ZC3H3: variants seen among roughly 807,000 people sequenced by gnomAD.
The protein encoded by ZC3H3 is zinc finger CCCH domain-containing protein 3.
Under a neutral mutation model 77.3 loss-of-function variants are expected in ZC3H3, and 36 were observed. The ratio of observed to expected loss-of-function variants is 0.47; its 90% CI spans 0.36 to 0.61. The LOEUF is 0.61. ZC3H3 is among the 20% of genes least tolerant of loss of function. ZC3H3 has a pLI of 0.00. For missense variants in ZC3H3, 1,331 were observed against 1,312.2 expected, an observed-to-expected ratio of 1.01 and a Z score of -0.22; for synonymous variants, 626 against 555.2, an observed-to-expected ratio of 1.13 and a Z score of -1.79.
chr8:143,477,469 C>A (rs986005804), intron 4 of ZC3H3, among the ~76,000 whole-genome samples: 2 of 152,180 alleles, frequency 1.3e-5, no homozygotes, highest in East Asian at 1.9e-4. Flanking sequence ...TCCTGCCAGC[C>A]AGACTCAGAC....
chr8:143,489,461 C>T (rs545069455), intron 4 of ZC3H3, among the ~76,000 whole-genome samples: 98 of 152,172 alleles, frequency 6.4e-4, no homozygotes, highest in African/African-American at 2.2e-3. Flanking sequence ...CACGGAGCCC[C>T]GCCCACCACC....
intron 4 of ZC3H3, among the ~76,000 whole-genome samples, chr8:143,492,006 C>T (rs1001515474): frequency 6.6e-6 from 1 of 152,184 alleles, no homozygotes; most frequent in East Asian, 1.9e-4. Context: ...AAGCGTGGCT[C>T]GTATCCCTGG....
chr8:143,517,449 C>T (rs546492297), intron 3 of ZC3H3, among the ~76,000 whole-genome samples: 1 of 152,290 alleles, frequency 6.6e-6, no homozygotes, highest in African/African-American at 2.4e-5. Context: ...TACCCCAGGC[C>T]GCGCTCCAAG....
chr8:143,439,234 C>T (rs1206200519), intron 11 of ZC3H3, among the ~76,000 whole-genome samples: 1 of 152,192 alleles, frequency 6.6e-6, no homozygotes, highest in Non-Finnish European at 1.5e-5. Context: ...CACGGCTCCA[C>T]GCCCCTGACG....
At chr8:143,519,509 C>T (rs899488164) in intron 3 of ZC3H3, among the ~76,000 whole-genome samples, 19 of 152,058 alleles carry the variant, frequency 1.2e-4, no homozygotes, top group Non-Finnish European at 1.5e-5. Flanking sequence ...GCCTGAGCAC[C>T]CCACATCACA....
chr8:143,489,200 G>A (rs549414886), intron 4 of ZC3H3, among the ~76,000 whole-genome samples: 18 of 152,362 alleles, frequency 1.2e-4, no homozygotes, highest in African/African-American at 4.3e-4. Context: ...AGACACCAGA[G>A]AAAGGTTGGA....
rs1177538689 is a variant in ZC3H3, at chr8:143,530,236, G to C, written c.1561+6021C>G. On this transcript the variant is annotated intron_variant, in intron 3 of 11. Transcript: ENST00000262577. This position sits in a 1 kb window ranked among gnomAD's most constrained non-coding sequence, Gnocchi z 4.3. ...GGTGTGCCCAGGACCTGCCAGGCCC[G>C]CACCCTCCACCAGCACACTGGCGAC... Among the ~76,000 whole-genome samples, 1 of 152,034 alleles carries C rather than the reference G, an allele frequency of 6.6e-6. No individual in the cohort carries two copies. Among genetic ancestry groups the C allele is most frequent in the Non-Finnish European group, 1.5e-5 (1 of 67,974 alleles).
chr8:143,522,867 G>A (rs1359972525), intron 3 of ZC3H3, among the ~76,000 whole-genome samples: 1 of 152,148 alleles, frequency 6.6e-6, no homozygotes, highest in Non-Finnish European at 1.5e-5. Context: ...AGAGATTACA[G>A]TGAGATGGCG....
intron 9 of ZC3H3, among the ~76,000 whole-genome samples, chr8:143,456,310 TAACCAC>T (rs997068757): frequency 3.3e-5 from 5 of 152,100 alleles, no homozygotes; most frequent in Non-Finnish European, 7.4e-5. Context: ...AATATAGCAA[TAACCAC>T]ATTAAATGTA....
At chr8:143,502,333 C>T (rs904102284) in intron 4 of ZC3H3, among the ~76,000 whole-genome samples, 2 of 152,254 alleles carry the variant, frequency 1.3e-5, no homozygotes, top group Non-Finnish European at 2.9e-5. Context: ...GGCACACCTG[C>T]TCATTAAGGA....
Position 143,538,889 on chromosome 8 carries a change from G to A in ZC3H3, c.478C>T (p.Arg160Trp), listed in dbSNP as rs776395632. Residue 160 changes from arginine (R) to tryptophan (W), a missense_variant, in exon 2 of 12, where the codon CGG (arginine) becomes TGG (tryptophan). Physicochemically the swap from Arg to Trp is moderately radical, Grantham distance 101. Coordinates refer to ENST00000262577, the MANE Select transcript of ZC3H3 (RefSeq NM_015117.3). ...EETPWSDQRP[R>W]EGEGEPPRGQ... ...CGAGGGGGCTCACCTTCACCTTCCC[G>A]GGGCCTTTGGTCACTCCAGGGGGTT... is the stretch of plus-strand genomic sequence containing the variant. 2.8e-5 allele frequency: 45 copies of A among 1,612,600 alleles called. No homozygotes were observed. Among genetic ancestry groups the A allele is most frequent in the Middle Eastern group, 1.6e-4 (1 of 6,064 alleles).
At chr8:143,485,489 C>T (rs1821028364) in intron 4 of ZC3H3, among the ~76,000 whole-genome samples, 1 of 152,202 alleles carries the variant, frequency 6.6e-6, no homozygotes, top group Non-Finnish European at 1.5e-5. Flanking sequence ...ATACATGTGT[C>T]TCCATGGGGA....
chr8:143,520,570 C>T (rs776316438), intron 3 of ZC3H3, among the ~76,000 whole-genome samples: 3 of 152,216 alleles, frequency 2.0e-5, no homozygotes, highest in Non-Finnish European at 4.4e-5. Context: ...CCAGACACCC[C>T]GAGATCACCC....
At chr8:143,535,291 G>A (rs1046917148) in intron 3 of ZC3H3, among the ~76,000 whole-genome samples, 6 of 152,138 alleles carry the variant, frequency 3.9e-5, no homozygotes, top group Non-Finnish European at 7.4e-5. Context: ...TTCCCACCTT[G>A]GCCTCCCAAA....
chr8:143,454,825 C>T (rs920341137), intron 9 of ZC3H3, among the ~76,000 whole-genome samples: 2 of 152,148 alleles, frequency 1.3e-5, no homozygotes, highest in South Asian at 2.1e-4. Flanking sequence ...ACTGTATACA[C>T]GACCTAACAT....
intron 9 of ZC3H3, among the ~76,000 whole-genome samples, chr8:143,452,495 T>G (rs1312989954): frequency 1.3e-5 from 2 of 152,190 alleles, no homozygotes; most frequent in Non-Finnish European, 2.9e-5. Flanking sequence ...CCAAGCTCGG[T>G]GAAGAGGGGC....
intron 9 of ZC3H3, among the ~76,000 whole-genome samples, chr8:143,446,648 C>G (rs887950947): frequency 2.0e-5 from 3 of 152,214 alleles, no homozygotes; most frequent in Non-Finnish European, 2.9e-5. Context: ...GCTTTTAATC[C>G]TTCTAATGGT....
chr8:143,517,180 C>T (rs982307392), intron 3 of ZC3H3, among the ~76,000 whole-genome samples: 11 of 152,184 alleles, frequency 7.2e-5, no homozygotes, highest in African/African-American at 1.9e-4. Flanking sequence ...GATCGCACGC[C>T]GACACCTGAC....
intron 3 of ZC3H3, among the ~76,000 whole-genome samples, chr8:143,518,490 AC>A (rs1249142168): frequency 6.6e-6 from 1 of 152,244 alleles, no homozygotes; most frequent in Non-Finnish European, 1.5e-5. Flanking sequence ...CCTGAGAGAA[AC>A]GACGTGTCCC....
Sources: allele counts gnomAD v4.1 joint callset (sites outside exome capture counted in the v4.1 genomes callset), GRCh38; gene constraint gnomAD v4.1.1; non-coding constraint Gnocchi (gnomAD v3.1); transcripts MANE v1.5; gene names NCBI Gene and HGNC (gene_info 2026-07-23, HGNC 2026-07-21).